Variants in GABRB3 observed in about 807,000 individuals in gnomAD.
GABRB3 encodes gamma-aminobutyric acid type A receptor subunit beta3.
In GABRB3, 14 loss-of-function variants were observed where a neutral mutation model predicts 52.1. That is an observed-to-expected ratio of 0.27 (90% CI 0.18 to 0.42). GABRB3 has a LOEUF of 0.42. Among genes scored for constraint, GABRB3 ranks in the 10% least tolerant of loss-of-function variants. GABRB3 has a pLI of 1.00. For missense variants in GABRB3, 307 were observed against 609.1 expected, an observed-to-expected ratio of 0.50 and a Z score of 5.22; for synonymous variants, 260 against 232.3, an observed-to-expected ratio of 1.12 and a Z score of -1.08.
intron 3 of GABRB3, among the ~76,000 whole-genome samples, chr15:26,623,051 G>C (rs1892545958): frequency 6.6e-6 from 1 of 152,102 alleles, no homozygotes; most frequent in East Asian, 1.9e-4. Context: ...GTAATAACCT[G>C]TGGGGGCCCT....
intron 4 of GABRB3, among the ~76,000 whole-genome samples, chr15:26,610,532 T>TAA (rs1464838159): frequency 6.6e-6 from 1 of 152,210 alleles, no homozygotes; most frequent in East Asian, 1.9e-4. Context: ...TGATATTCTT[T>TAA]TATAATACTG....
At chr15:26,739,764 A>G (rs1890155213) in intron 3 of GABRB3, among the ~76,000 whole-genome samples, 1 of 152,234 alleles carries the variant, frequency 6.6e-6, no homozygotes, top group Non-Finnish European at 1.5e-5. Flanking sequence ...GTACAAATCA[A>G]ATCAGGATAA....
intron 3 of GABRB3, chr15:26,642,399 T>A (rs1170685566): frequency 9.4e-7 from 1 of 1,060,058 alleles, no homozygotes; most frequent in Non-Finnish European, 1.3e-6. Flanking sequence ...CTGAATATAC[T>A]GAGGGGCAAC....
chr15:26,772,835 C>T, intron 1 of GABRB3, 48 bp downstream of exon 1: 2 of 1,453,834 alleles, frequency 1.4e-6, no homozygotes, highest in South Asian at 1.4e-5. Flanking sequence ...CAGCGCCCCG[C>T]GCACCCCGCG....
intron 8 of GABRB3, among the ~76,000 whole-genome samples, chr15:26,558,851 G>A (rs1482742077): frequency 1.0e-4 from 15 of 149,366 alleles, no homozygotes; most frequent in African/African-American, 2.8e-4. Flanking sequence ...AAAAAAAAAA[G>A]AAAGAAAGAA....
At chr15:26,588,386 A>G (rs1245013099) in intron 4 of GABRB3, among the ~76,000 whole-genome samples, 3 of 152,212 alleles carry the variant, frequency 2.0e-5, no homozygotes, top group Non-Finnish European at 2.9e-5. Flanking sequence ...TTACTCTCAC[A>G]ACAACCATAT....
At chr15:26,699,370 G>A (rs1258451707) in intron 3 of GABRB3, among the ~76,000 whole-genome samples, 2 of 151,878 alleles carry the variant, frequency 1.3e-5, no homozygotes, top group Non-Finnish European at 2.9e-5. Context: ...TTCTAGGAAG[G>A]CAAAAATATC....
At chr15:26,606,777 G>A (rs1191866551) in intron 4 of GABRB3, among the ~76,000 whole-genome samples, 1 of 72,930 alleles carries the variant, frequency 1.4e-5, no homozygotes, top group African/African-American at 3.4e-5. Context: ...TCTATAGATA[G>A]ATAGATATAT....
chr15:26,764,429 C>T (rs1306645634), intron 3 of GABRB3, among the ~76,000 whole-genome samples: 3 of 151,586 alleles, frequency 2.0e-5, no homozygotes, highest in South Asian at 2.1e-4. Context: ...ATGTTAGTAC[C>T]GCACATGCCA....
At chr15:26,743,163 C>T (rs780716963) in intron 3 of GABRB3, among the ~76,000 whole-genome samples, 5 of 152,034 alleles carry the variant, frequency 3.3e-5, no homozygotes, top group Admixed American at 6.5e-5. Context: ...CTCCTGACCT[C>T]GTGATCCACC....
intron 4 of GABRB3, among the ~76,000 whole-genome samples, chr15:26,616,785 T>A (rs1892272825): frequency 6.6e-6 from 1 of 152,150 alleles, no homozygotes; most frequent in African/African-American, 2.4e-5. Context: ...GACCAAGCAA[T>A]TTTTATTTTC....
At chr15:26,629,061 CCT>C (rs1277056613) in intron 3 of GABRB3, 8 of 1,535,998 alleles carry the variant, frequency 5.2e-6, no homozygotes, top group Non-Finnish European at 5.2e-6. Flanking sequence ...ACTCCGAGAG[CCT>C]CCGCCACGCT....
intron 8 of GABRB3, among the ~76,000 whole-genome samples, chr15:26,554,037 T>TATAGATATAGATATATATATATATA (rs59100810): frequency 1.7e-5 from 1 of 58,486 alleles, no homozygotes; most frequent in Non-Finnish European, 3.2e-5. Context: ...ATATATATAT[T>TATAGATATAGATATATATATATATA]TATTTATTTA....
At chr15:26,583,648 T>C (rs552845788) in intron 4 of GABRB3, among the ~76,000 whole-genome samples, 5 of 152,202 alleles carry the variant, frequency 3.3e-5, no homozygotes, top group Admixed American at 3.3e-4. Flanking sequence ...TTATTATATA[T>C]TTTTAATCAT....
intron 3 of GABRB3, among the ~76,000 whole-genome samples, chr15:26,742,404 T>C (rs1245064962): frequency 6.7e-6 from 1 of 149,622 alleles, no homozygotes; most frequent in Admixed American, 6.7e-5. Flanking sequence ...AAGCCTCTCC[T>C]ACTCTAGGAT....
At chr15:26,671,083 G>A (rs998215727) in intron 3 of GABRB3, among the ~76,000 whole-genome samples, 4 of 151,978 alleles carry the variant, frequency 2.6e-5, no homozygotes, top group South Asian at 2.1e-4. Flanking sequence ...TAAGCCCTAC[G>A]CCACTTAAGG....
At chr15:26,700,595 C>G (rs1356601961) in intron 3 of GABRB3, among the ~76,000 whole-genome samples, 1 of 152,298 alleles carries the variant, frequency 6.6e-6, no homozygotes, top group East Asian at 1.9e-4. Flanking sequence ...TCAAATCTAA[C>G]TACATATAAA....
intron 8 of GABRB3, among the ~76,000 whole-genome samples, chr15:26,553,937 T>C (rs774576924): frequency 2.3e-4 from 34 of 145,374 alleles, no homozygotes; most frequent in Middle Eastern, 3.7e-3. Flanking sequence ...TCCAGTGGCG[T>C]GACCATAGCT....
chr15:26,607,064 C>A (rs1249931832), intron 4 of GABRB3, among the ~76,000 whole-genome samples: 1 of 152,120 alleles, frequency 6.6e-6, no homozygotes, highest in East Asian at 1.9e-4. Context: ...AAAAGGCAAA[C>A]GCCGAGCTGT....
Sources: allele counts gnomAD v4.1 joint callset (sites outside exome capture counted in the v4.1 genomes callset), GRCh38; gene constraint gnomAD v4.1.1; transcripts MANE v1.5; gene names NCBI Gene and HGNC (gene_info 2026-07-23, HGNC 2026-07-21).